Variants in TCF7L1 observed in about 807,000 individuals in gnomAD.
TCF7L1 encodes the protein transcription factor 7 like 1.
TCF7L1 carries 18 observed loss-of-function variants against 63.7 expected under a neutral mutation model. That is an observed-to-expected ratio of 0.28 (90% CI 0.20 to 0.42). The LOEUF (loss-of-function observed/expected upper bound fraction) is 0.42. TCF7L1 is among the 10% of genes least tolerant of loss of function. The pLI is 1.00. For synonymous variants in TCF7L1, 355 were observed against 340.9 expected, an observed-to-expected ratio of 1.04 and a Z score of -0.46; for missense variants, 654 against 779.3, an observed-to-expected ratio of 0.84 and a Z score of 1.91.
intron 3 of TCF7L1, among the ~76,000 whole-genome samples, chr2:85,220,881 C>T (rs1020431771): frequency 2.6e-5 from 4 of 152,162 alleles, no homozygotes; most frequent in Non-Finnish European, 2.9e-5. Flanking sequence ...TGACCAGCTC[C>T]AGTGCTCAGA....
intron 3 of TCF7L1, among the ~76,000 whole-genome samples, chr2:85,271,794 G>A (rs1443962174): frequency 6.6e-6 from 1 of 152,220 alleles, no homozygotes; most frequent in Non-Finnish European, 1.5e-5. Context: ...CTGGTAGGCA[G>A]TCCTGTAAGA....
At chr2:85,265,426 C>T (rs919708281) in intron 3 of TCF7L1, among the ~76,000 whole-genome samples, 1 of 152,222 alleles carries the variant, frequency 6.6e-6, no homozygotes, top group Non-Finnish European at 1.5e-5. Flanking sequence ...AACTAGCAGA[C>T]TGGGTTGTCT....
At chr2:85,175,621 T>A (rs1678662884) in intron 3 of TCF7L1, among the ~76,000 whole-genome samples, 1 of 152,202 alleles carries the variant, frequency 6.6e-6, no homozygotes, top group Non-Finnish European at 1.5e-5. Flanking sequence ...GATCAGGTAA[T>A]CCCCAGTAGC....
At chr2:85,241,443 T>TTTTG (rs1558643530) in intron 3 of TCF7L1, among the ~76,000 whole-genome samples, 1 of 124,132 alleles carries the variant, frequency 8.1e-6, no homozygotes, top group African/African-American at 2.8e-5. Flanking sequence ...TTTTGTTTTT[T>TTTTG]TTTTTTTTTT....
intron 3 of TCF7L1, among the ~76,000 whole-genome samples, chr2:85,148,834 C>A (rs981866519): frequency 3.0e-5 from 4 of 135,590 alleles, no homozygotes; most frequent in Non-Finnish European, 6.1e-5. Context: ...AGTGAAGTGG[C>A]GCGATCTTGG....
chr2:85,227,438 CTT>C (rs562921251), intron 3 of TCF7L1, among the ~76,000 whole-genome samples: 36 of 141,424 alleles, frequency 2.5e-4, no homozygotes, highest in Admixed American at 3.6e-4. Flanking sequence ...AATACCCCCT[CTT>C]TTTTTTTTTT....
rs139892042 is a variant in TCF7L1, at chr2:85,218,236, T to TTTTATTTATTTA, written c.442-65235_442-65224dup. ...TCCCACACTTTTCTAACTTTACTTATTTTATTTATTTATTTATTTATTTAT... is the reference window on the plus strand; with the variant it reads ...TCCCACACTTTTCTAACTTTACTTATTTTATTTATTTATTTATTTATTTATTTATTTATTTAT... On this transcript the variant is annotated intron_variant, in intron 3 of 11. Coordinates refer to ENST00000282111, the MANE Select transcript of TCF7L1 (RefSeq NM_031283.3). Among the ~76,000 whole-genome samples, 681 of 149,338 alleles carry TTTTATTTATTTA rather than the reference T, an allele frequency of 4.6e-3. 3 individuals carry two copies. Among genetic ancestry groups the TTTTATTTATTTA allele is most frequent in the African/African-American group, 0.015 (589 of 40,112 alleles).
chr2:85,212,888 G>A (rs1379711751), intron 3 of TCF7L1, among the ~76,000 whole-genome samples: 1 of 152,150 alleles, frequency 6.6e-6, no homozygotes, highest in Non-Finnish European at 1.5e-5. Context: ...GAGGGTCAGA[G>A]GACCCTTCTG....
chr2:85,199,622 C>T (rs1679229020), intron 3 of TCF7L1, among the ~76,000 whole-genome samples: 1 of 152,138 alleles, frequency 6.6e-6, no homozygotes, highest in African/African-American at 2.4e-5. Context: ...TTTAAAAGCT[C>T]CCCGAGTGAT....
intron 3 of TCF7L1, among the ~76,000 whole-genome samples, chr2:85,206,567 C>G (rs1558633603): frequency 6.6e-6 from 1 of 152,214 alleles, no homozygotes; most frequent in Non-Finnish European, 1.5e-5. Context: ...TGTAATCTCA[C>G]AGCTAGCATG....
At chr2:85,278,245 C>T (rs1043471159) in intron 3 of TCF7L1, among the ~76,000 whole-genome samples, 1 of 152,148 alleles carries the variant, frequency 6.6e-6, no homozygotes, top group Non-Finnish European at 1.5e-5. Context: ...GCCAAGTGCT[C>T]GCCCCAAGGA....
At chr2:85,188,079 C>A (rs1008341643) in intron 3 of TCF7L1, among the ~76,000 whole-genome samples, 16 of 152,188 alleles carry the variant, frequency 1.1e-4, no homozygotes, top group South Asian at 2.1e-4. Flanking sequence ...CGTGAAATGA[C>A]AAAATTATAG....
At chr2:85,241,431 G>GTTTTTTTTTTTTTTTTT (rs1273488175) in intron 3 of TCF7L1, among the ~76,000 whole-genome samples, 3 of 68,788 alleles carry the variant, frequency 4.4e-5, no homozygotes, top group East Asian at 5.4e-4. Flanking sequence ...GATGCACTTT[G>GTTTTTTTTTTTTTTTTT]TTTTTGTTTT....
chr2:85,185,457 C>A (rs1045446015), intron 3 of TCF7L1, among the ~76,000 whole-genome samples: 1 of 151,970 alleles, frequency 6.6e-6, no homozygotes, highest in African/African-American at 2.4e-5. Context: ...ATGGGAGGCA[C>A]AGAGAAGAGA....
At position 85,309,121 on chromosome 2, in the gene TCF7L1, C is replaced by A. The variant is rs1472653101; in HGVS notation, c.1426C>A (p.Leu476Met). 1 of 1,613,866 alleles carries A rather than the reference C, an allele frequency of 6.2e-7. No homozygotes were observed. Among genetic ancestry groups the A allele is most frequent in the Non-Finnish European group, 8.5e-7 (1 of 1,179,974 alleles). The change falls in exon 12 of 12, where the codon CTG becomes ATG. Residue 476 changes from leucine to methionine, a missense_variant. Around this residue, in one of 3 missense-constraint regions of TCF7L1, gnomAD observed 184 missense variants for 204.0 expected, o/e 0.90. Coordinates refer to ENST00000282111, the MANE Select transcript of TCF7L1 (RefSeq NM_031283.3). ...DSPASSHGSM[L>M]DSPATPSAAL... ...CCCTGCCTCCTCCCACGGGAGCATG[C>A]TGGACTCCCCGGCCACTCCCTCTGC... is the stretch of plus-strand genomic sequence containing the variant.
At chr2:85,169,897 G>A (rs1356828083) in intron 3 of TCF7L1, among the ~76,000 whole-genome samples, 2 of 152,190 alleles carry the variant, frequency 1.3e-5, no homozygotes, top group African/African-American at 4.8e-5. Context: ...GATTTTTTAA[G>A]ATAATGTTTA....
chr2:85,243,107 G>T (rs1007773326), intron 3 of TCF7L1, among the ~76,000 whole-genome samples: 2 of 152,128 alleles, frequency 1.3e-5, no homozygotes, highest in Admixed American at 6.5e-5. Context: ...CAATTATTCC[G>T]CCCTTAACTC....
chr2:85,269,861 G>A (rs1004463670), intron 3 of TCF7L1, among the ~76,000 whole-genome samples: 1 of 152,158 alleles, frequency 6.6e-6, no homozygotes, highest in Non-Finnish European at 1.5e-5. Flanking sequence ...TAGGGTGCAG[G>A]ACCCCTTCTT....
intron 4 of TCF7L1, among the ~76,000 whole-genome samples, chr2:85,296,304 G>A (rs1438678295): frequency 6.6e-6 from 1 of 152,126 alleles, no homozygotes; most frequent in African/African-American, 2.4e-5. Context: ...AGAAGTACAG[G>A]CCAGCTGTTT....
Sources: gnomAD v4.1 joint callset for allele counts (sites outside exome capture counted in the v4.1 genomes callset) on GRCh38, gnomAD v4.1.1 for gene constraint, gnomAD v4.1.1 regional missense constraint, MANE v1.5 for transcripts, NCBI Gene and HGNC (gene_info 2026-07-23, HGNC 2026-07-21) for gene names.